The following GDAP1 variants were observed in gnomAD, a reference collection of about 807,000 sequenced individuals.
GDAP1 encodes ganglioside-induced differentiation-associated protein 1.
GDAP1 carries 34 observed loss-of-function variants against 40.1 expected under a neutral mutation model. The observed-to-expected ratio is 0.85, with a 90% CI of 0.64 to 1.13. The LOEUF is 1.13. Ranked by LOEUF, GDAP1 falls within the 50% of genes most tolerant of loss-of-function variation. The pLI, the probability that GDAP1 is intolerant of heterozygous loss-of-function variation, is 0.00. For synonymous variants in GDAP1, 170 were observed against 157.4 expected (o/e 1.08, Z -0.60); for missense variants, 374 against 433.7 (o/e 0.86, Z 1.22).
At chr8:74,370,239 C>A (rs1809725120), downstream of GDAP1, among the ~76,000 whole-genome samples, 1 of 152,026 alleles carries the variant, frequency 6.6e-6, no homozygotes, top group African/African-American at 2.4e-5. Flanking sequence ...AGAATAATAG[C>A]ATTATTATGT....
chr8:74,445,681 T>C (rs1480134517), intron 2 of GDAP1, among the ~76,000 whole-genome samples: 1 of 152,234 alleles, frequency 6.6e-6, no homozygotes, highest in Non-Finnish European at 1.5e-5. Flanking sequence ...AGAAAAACTT[T>C]ATCATTCCAG....
chr8:74,414,450 T>C (rs1052843874), intron 2 of GDAP1, among the ~76,000 whole-genome samples: 2 of 149,518 alleles, frequency 1.3e-5, no homozygotes, highest in Non-Finnish European at 2.9e-5. Flanking sequence ...ATACAAGAGA[T>C]GAAGAACAAC....
chr8:74,424,072 A>G (rs1469379264), intron 2 of GDAP1, among the ~76,000 whole-genome samples: 1 of 152,132 alleles, frequency 6.6e-6, no homozygotes, highest in Non-Finnish European at 1.5e-5. Flanking sequence ...GGTGGATACC[A>G]AAATCTTTAG....
chr8:74,435,185 A>C (rs1563469237), intron 2 of GDAP1, among the ~76,000 whole-genome samples: 1 of 152,236 alleles, frequency 6.6e-6, no homozygotes, highest in Non-Finnish European at 1.5e-5. Context: ...TATAACATGG[A>C]ATCTAAGATA....
intron 2 of GDAP1, among the ~76,000 whole-genome samples, chr8:74,358,800 CT>C (rs1412839569): frequency 3.9e-5 from 6 of 152,262 alleles, no homozygotes; most frequent in African/African-American, 1.4e-4. Context: ...GATTTGAGAT[CT>C]TGGATAGGGA....
At chr8:74,446,318 C>A (rs1044872827) in intron 2 of GDAP1, among the ~76,000 whole-genome samples, 3 of 152,046 alleles carry the variant, frequency 2.0e-5, no homozygotes, top group Non-Finnish European at 4.4e-5. Context: ...AGAAAAAATC[C>A]TTTTCTTTCT....
chr8:74,464,591 G>C (rs548352680), intron 2 of GDAP1, among the ~76,000 whole-genome samples: 126 of 152,330 alleles, frequency 8.3e-4, no homozygotes, highest in Admixed American at 2.9e-3. Context: ...TAGACACCCT[G>C]AATGCTGGTT....
chr8:74,387,740 A>C (rs1005120406), intron 2 of GDAP1, among the ~76,000 whole-genome samples: 3 of 152,162 alleles, frequency 2.0e-5, no homozygotes, highest in South Asian at 2.1e-4. Flanking sequence ...TGTTTGGAGT[A>C]GTTTCAGAAG....
intron 2 of GDAP1, among the ~76,000 whole-genome samples, chr8:74,434,901 A>G (rs1400141187): frequency 2.0e-5 from 3 of 152,220 alleles, no homozygotes; most frequent in Admixed American, 1.3e-4. Context: ...TATCTTCTCT[A>G]TAATGCCTCC....
At chr8:74,423,646 T>G (rs1393042247) in intron 2 of GDAP1, among the ~76,000 whole-genome samples, 1 of 151,988 alleles carries the variant, frequency 6.6e-6, no homozygotes, top group Non-Finnish European at 1.5e-5. Context: ...TGGGGTATCC[T>G]CAGTAAAACA....
chr8:74,478,114 G>A (rs1806654974), intron 2 of GDAP1, among the ~76,000 whole-genome samples: 2 of 150,982 alleles, frequency 1.3e-5, no homozygotes, highest in South Asian at 4.2e-4. Context: ...TGCTGGTGGG[G>A]TGGTGGGGGT....
rs10808800 is a variant in GDAP1, at chr8:74,440,845, G to C, written c.166-47833G>C. Among the ~76,000 whole-genome samples the C allele has an allele frequency of 7.2e-4, 109 of 152,124 alleles. 1 individual carries two copies. The South Asian group carries it at 0.022, about 31-fold the overall frequency. On this transcript the variant is annotated intron_variant, in intron 2 of 2. Transcript: ENST00000523640. Reference sequence around the variant, plus strand: ...GCCTACTAAGACTTATTTTTTATAAGCAGCAGAGACAGTTGCTCTATTTAT... The same window carrying C: ...GCCTACTAAGACTTATTTTTTATAACCAGCAGAGACAGTTGCTCTATTTAT...
In GDAP1 at chr8:74,365,049, T is replaced by C; in HGVS notation, c.*682T>C. 2.2e-6 allele frequency: 1 copy of C among 454,064 alleles called. No individual in the cohort carries two copies. Among genetic ancestry groups the C allele is most frequent in the South Asian group, 1.6e-5 (1 of 64,464 alleles). 28.1% of individuals were successfully genotyped at this position (454,064 alleles called of 1,614,324 possible). On this transcript the variant is annotated 3_prime_UTR_variant, in exon 6 of 6. Transcript: ENST00000220822. ...TTTAGATGGTGCCTGTGAGATACCA[T>C]TCCTCTGGATGGTCATGTCCAGTCA...
intron 2 of GDAP1, among the ~76,000 whole-genome samples, chr8:74,435,455 G>A (rs1806077212): frequency 6.6e-6 from 1 of 152,176 alleles, no homozygotes; most frequent in South Asian, 2.1e-4. Context: ...GAGGCTCTGT[G>A]CCTGTCTTTG....
intron 2 of GDAP1, among the ~76,000 whole-genome samples, chr8:74,470,773 A>G (rs1586845129): frequency 6.6e-6 from 1 of 152,208 alleles, no homozygotes. Flanking sequence ...ATACCCAGTA[A>G]TGGGATGGCT....
intron 2 of GDAP1, among the ~76,000 whole-genome samples, chr8:74,357,584 C>T (rs1809160984): frequency 6.6e-6 from 1 of 152,186 alleles, no homozygotes; most frequent in African/African-American, 2.4e-5. Flanking sequence ...TTATAATTTG[C>T]TGCCTAAATT....
chr8:74,437,697 A>G (rs977576726), intron 2 of GDAP1, among the ~76,000 whole-genome samples: 2 of 148,154 alleles, frequency 1.3e-5, no homozygotes, highest in Non-Finnish European at 3.1e-5. Flanking sequence ...TCAACATTAT[A>G]TTTTAGAGAT....
chr8:74,485,001 C>A (rs1806758796), intron 2 of GDAP1, among the ~76,000 whole-genome samples: 1 of 152,072 alleles, frequency 6.6e-6, no homozygotes. Flanking sequence ...TTTACCATTT[C>A]AAACCCACAC....
chr8:74,398,886 G>T (rs575326973), intron 2 of GDAP1, among the ~76,000 whole-genome samples: 4 of 151,974 alleles, frequency 2.6e-5, no homozygotes, highest in African/African-American at 7.3e-5. Context: ...GCCTTGCATC[G>T]CAGGGATGAA....
Sources: allele counts gnomAD v4.1 joint callset (sites outside exome capture counted in the v4.1 genomes callset), GRCh38; gene constraint gnomAD v4.1.1; transcripts MANE v1.5; gene names NCBI Gene and HGNC (gene_info 2026-07-23, HGNC 2026-07-21).